CSMD3: variants seen among roughly 807,000 people sequenced by gnomAD.
CSMD3 encodes the protein CUB and sushi domain-containing protein 3.
CSMD3 carries 177 observed loss-of-function variants against 435.2 expected under a neutral mutation model. The observed-to-expected ratio is 0.41, with a 90% CI of 0.36 to 0.46. CSMD3 has a LOEUF of 0.46. CSMD3 is among the 20% of genes least tolerant of loss of function. CSMD3 has a pLI of 0.34. For synonymous variants in CSMD3, 1,656 were observed against 1,520.5 expected, an observed-to-expected ratio of 1.09 and a Z score of -2.07; for missense variants, 4,265 against 4,504.6, an observed-to-expected ratio of 0.95 and a Z score of 1.52.
At chr8:113,128,953 A>C (rs2131671919) in intron 4 of CSMD3, among the ~76,000 whole-genome samples, 1 of 152,266 alleles carries the variant, frequency 6.6e-6, no homozygotes, top group Admixed American at 6.5e-5. Flanking sequence ...ATTTCTGCTC[A>C]AATACTCAGT....
chr8:113,272,168 T>G (rs936827980), intron 3 of CSMD3, among the ~76,000 whole-genome samples: 3 of 152,184 alleles, frequency 2.0e-5, no homozygotes, highest in Non-Finnish European at 4.4e-5. Flanking sequence ...CAGATGTGAC[T>G]TTGGACTGTG....
At chr8:112,941,561 C>T (rs2083451815) in intron 9 of CSMD3, among the ~76,000 whole-genome samples, 1 of 151,666 alleles carries the variant, frequency 6.6e-6, no homozygotes, top group Non-Finnish European at 1.5e-5. Context: ...TACATCTCTT[C>T]ATAATTGAAA....
At chr8:113,296,288 A>AT (rs2093720945) in intron 2 of CSMD3, among the ~76,000 whole-genome samples, 2 of 102,180 alleles carry the variant, frequency 2.0e-5, no homozygotes, top group African/African-American at 6.2e-5. Flanking sequence ...CTAGAACTTA[A>AT]AGTATAATAA....
chr8:112,277,835 A>G (rs1818225184), intron 59 of CSMD3, among the ~76,000 whole-genome samples: 1 of 152,222 alleles, frequency 6.6e-6, no homozygotes, highest in Admixed American at 6.5e-5. Context: ...AAATCATCAG[A>G]TCTTATGAGA....
chr8:113,199,247 T>C (rs1215788026), intron 3 of CSMD3, among the ~76,000 whole-genome samples: 2 of 151,506 alleles, frequency 1.3e-5, no homozygotes, highest in Non-Finnish European at 3.0e-5. Context: ...TTTTAGACAA[T>C]TCTCAAGGTC....
chr8:112,587,276 A>T, intron 22 of CSMD3, 41 bp from the exon 23 acceptor site: 1 of 1,421,594 alleles, frequency 7.0e-7, no homozygotes, highest in African/African-American at 1.4e-5. Context: ...TTTAATAGAT[A>T]GCAGTATCAT....
In CSMD3 at chr8:113,291,706, T is replaced by G. The variant is rs564656773; in HGVS notation, c.402-13002A>C. ...GTGTATCAGATACTGAAAGGTTTAA[T>G]AGAGAAATATGTTATTGACTGTACA... On this transcript the variant is annotated intron_variant, in intron 2 of 70. Transcript: ENST00000297405. Among the ~76,000 whole-genome samples the G allele has an allele frequency of 4.6e-5, 7 of 151,924 alleles. No individual in the cohort carries two copies. The South Asian group carries it at 1.4e-3, about 31-fold the overall frequency.
chr8:112,661,247 C>G (rs1418764662), intron 17 of CSMD3, among the ~76,000 whole-genome samples: 1 of 151,998 alleles, frequency 6.6e-6, no homozygotes, highest in Non-Finnish European at 1.5e-5. Flanking sequence ...ATTAAAATGG[C>G]TGGAAAGATT....
intron 1 of CSMD3, among the ~76,000 whole-genome samples, chr8:113,339,706 T>C (rs767569063): frequency 4.6e-5 from 7 of 152,192 alleles, no homozygotes; most frequent in Non-Finnish European, 8.8e-5. Context: ...CACCTGTTAC[T>C]GAGCAACTTC....
intron 1 of CSMD3, among the ~76,000 whole-genome samples, chr8:113,353,345 A>G (rs1256768328): frequency 6.6e-6 from 1 of 152,206 alleles, no homozygotes; most frequent in Non-Finnish European, 1.5e-5. Flanking sequence ...TGATAGGAAC[A>G]AGAGGCTGTA....
intron 1 of CSMD3, among the ~76,000 whole-genome samples, chr8:113,389,688 T>A (rs1340170687): frequency 1.3e-5 from 2 of 151,714 alleles, no homozygotes; most frequent in African/African-American, 4.8e-5. Flanking sequence ...ATTCACCATA[T>A]GCTAGCTGTT....
intron 1 of CSMD3, among the ~76,000 whole-genome samples, chr8:113,374,415 C>G (rs1325038643): frequency 6.6e-6 from 1 of 152,008 alleles, no homozygotes; most frequent in Non-Finnish European, 1.5e-5. Flanking sequence ...ACTCTTACCC[C>G]CAGCTTCCTT....
rs576180641 is a variant in CSMD3 at position 112,326,740 on chromosome 8, G to C, written c.7166-6759C>G. On this transcript the variant is annotated intron_variant, in intron 45 of 70. Coordinates refer to ENST00000297405, the MANE Select transcript of CSMD3 (RefSeq NM_198123.2). Reference sequence around the variant, plus strand: ...ATTTAAATTGGATATTCTTGGCCAGGCACAGTAGCTCATGCCTGCAATCCC... The same window carrying C: ...ATTTAAATTGGATATTCTTGGCCAGCCACAGTAGCTCATGCCTGCAATCCC... Among the ~76,000 whole-genome samples the C allele has an allele frequency of 1.2e-3, 177 of 152,266 alleles. 1 individual carries two copies. The highest frequency in any genetic ancestry group is 3.9e-3 in the African/African-American group (164 of 41,560).
intron 23 of CSMD3, among the ~76,000 whole-genome samples, chr8:112,578,599 T>G (rs1300839646): frequency 6.6e-6 from 1 of 151,898 alleles, no homozygotes; most frequent in Non-Finnish European, 1.5e-5. Flanking sequence ...CAACCAACTC[T>G]CAAACAAACA....
intron 57 of CSMD3, among the ~76,000 whole-genome samples, chr8:112,288,229 A>G (rs1819407153): frequency 9.1e-6 from 1 of 110,228 alleles, no homozygotes; most frequent in Admixed American, 1.4e-4. Flanking sequence ...TTATTACTCA[A>G]TTTAGTAGCA....
intron 3 of CSMD3, among the ~76,000 whole-genome samples, chr8:113,250,887 C>A (rs1385594553): frequency 2.0e-5 from 3 of 151,848 alleles, no homozygotes; most frequent in African/African-American, 7.3e-5. Context: ...GGAAGACAGC[C>A]ATATTTATGA....
At chr8:112,890,046 A>T (rs1391527062) in intron 10 of CSMD3, among the ~76,000 whole-genome samples, 1 of 151,752 alleles carries the variant, frequency 6.6e-6, no homozygotes, top group African/African-American at 2.4e-5. Flanking sequence ...AAGAAAACAC[A>T]GAAAAAAAGC....
At chr8:112,465,362 A>G (rs560730192) in intron 32 of CSMD3, among the ~76,000 whole-genome samples, 1 of 152,236 alleles carries the variant, frequency 6.6e-6, no homozygotes, top group South Asian at 2.1e-4. Context: ...GCCTGTTTTA[A>G]CAGCCTCTCA....
At chr8:112,424,860 T>G (rs1040439897) in intron 32 of CSMD3, among the ~76,000 whole-genome samples, 1 of 152,048 alleles carries the variant, frequency 6.6e-6, no homozygotes, top group African/African-American at 2.4e-5. Flanking sequence ...CCCAGCTAAT[T>G]TTTGTATTTT....
Sources: gnomAD v4.1 joint callset for allele counts (sites outside exome capture counted in the v4.1 genomes callset) on GRCh38, gnomAD v4.1.1 for gene constraint, MANE v1.5 for transcripts, NCBI Gene and HGNC (gene_info 2026-07-23, HGNC 2026-07-21) for gene names.